Variants in DPF1 observed in about 807,000 individuals in gnomAD.
DPF1 encodes zinc finger protein neuro-d4.
DPF1 carries 14 observed loss-of-function variants against 58.7 expected under a neutral mutation model. That is an observed-to-expected ratio of 0.24 (90% CI 0.16 to 0.37). DPF1 has a LOEUF of 0.37. Among genes scored for constraint, DPF1 ranks in the 10% least tolerant of loss-of-function variants. The probability of loss-of-function intolerance (pLI) is 1.00; values close to 1 mark genes in which losing one functional copy is unlikely to be tolerated. For missense variants in DPF1, 345 were observed against 529.9 expected, an observed-to-expected ratio of 0.65 and a Z score of 3.43; for synonymous variants, 216 against 216.0, an observed-to-expected ratio of 1.00 and a Z score of 0.00.
chr19:38,220,244 G>A (rs1252221298), intron 3 of DPF1, among the ~76,000 whole-genome samples: 1 of 146,724 alleles, frequency 6.8e-6, no homozygotes, highest in Non-Finnish European at 1.5e-5. Context: ...AAGAAAGAAG[G>A]AAGGAAAGAA....
At chr19:38,212,774 C>CTTT (rs11367248) in intron 10 of DPF1, among the ~76,000 whole-genome samples, 96 of 81,664 alleles carry the variant, frequency 1.2e-3, no homozygotes, top group Non-Finnish European at 1.6e-3. Flanking sequence ...CCATGCACGA[C>CTTT]TTTTTTTTTT....
At chr19:38,221,280 G>A (rs181937919) in intron 3 of DPF1, among the ~76,000 whole-genome samples, 46 of 152,332 alleles carry the variant, frequency 3.0e-4, no homozygotes, top group African/African-American at 1.1e-3. Context: ...ACTCAAGCCT[G>A]TAATCCCAGC....
chr19:38,227,036 T>TCC (rs1453554840), upstream of DPF1, among the ~76,000 whole-genome samples: 454 of 136,592 alleles, frequency 3.3e-3, 3 homozygotes, highest in Non-Finnish European at 4.9e-3. Flanking sequence ...CTTCCTTCCT[T>TCC]TCTTTCTTTC....
chr19:38,217,595 G>C lies in DPF1; in HGVS notation c.596-4C>G, dbSNP rs1439297340. The C allele has an allele frequency of 2.6e-6, 4 of 1,546,074 alleles. 1 individual carries two copies. In the South Asian group the frequency reaches 4.8e-5, roughly 18 times the overall value. ...TTCTTATACCGTTTCCCACAGACTG[G>C]GGAGCGAGCGAGCCAGGAGGGCCTG... On this transcript the variant is annotated splice_region_variant and splice_polypyrimidine_tract_variant and intron_variant, in intron 6 of 11. Transcript: ENST00000355526.
intron 9 of DPF1, among the ~76,000 whole-genome samples, chr19:38,215,362 G>A (rs1485880229): frequency 3.3e-5 from 5 of 151,934 alleles, no homozygotes; most frequent in East Asian, 3.9e-4. Flanking sequence ...GCATGGTGGC[G>A]GGTGCCTGTA....
At chr19:38,224,978 C>T (rs973919578), upstream of DPF1, among the ~76,000 whole-genome samples, 2 of 152,212 alleles carry the variant, frequency 1.3e-5, no homozygotes, top group Non-Finnish European at 2.9e-5. This position sits in a 1 kb window ranked among gnomAD's most constrained non-coding sequence, Gnocchi z 4.5. Context: ...AGGCCAGGCG[C>T]AGTGGCTCAC....
chr19:38,217,493 C>T lies in DPF1; in HGVS notation c.694G>A (p.Ala232Thr). The stretch of plus-strand genomic sequence containing the variant: ...TTGTTTTTCCGGTGGAAGGGCAGGG[C>T]GTGGCGTTCGGCGTTCTCCTCCCCC... The part of the protein sequence containing the change: ...EEGEENAERH[A>T]LPFHRKNNHK... Residue 232 changes from alanine to threonine, a missense_variant, in exon 7 of 12, where the codon GCC becomes ACC. Physicochemically the swap from Ala to Thr is moderately conservative, Grantham distance 58 (BLOSUM62 0). Transcript: ENST00000355526. The T allele has an allele frequency of 1.3e-6, 2 of 1,545,724 alleles. No individual in the cohort carries two copies. Among genetic ancestry groups the T allele is most frequent in the Non-Finnish European group, 1.7e-6 (2 of 1,144,106 alleles).
intron 1 of DPF1, among the ~76,000 whole-genome samples, chr19:38,223,599 G>C (rs1285301826): frequency 1.3e-5 from 2 of 151,910 alleles, no homozygotes; most frequent in African/African-American, 4.8e-5. Context: ...CAGAACACAA[G>C]ACAAATGACA....
Position 38,217,451 on chromosome 19 carries a change from C to T in DPF1, c.727+9G>A, listed in dbSNP as rs1470438358. Reference sequence around the variant, plus strand: ...CCCCTGGCCACCCCCACCTGGCCTGCCAGCTCACGTTTATGGTTGTTTTTC... The same window carrying T: ...CCCCTGGCCACCCCCACCTGGCCTGTCAGCTCACGTTTATGGTTGTTTTTC... On this transcript the variant is annotated intron_variant, in intron 7 of 11. Transcript: ENST00000355526. The T allele has an allele frequency of 2.0e-6, 3 of 1,534,548 alleles. No individual in the cohort carries two copies. The East Asian group carries it at 7.6e-5, about 39-fold the overall frequency.
intron 3 of DPF1, among the ~76,000 whole-genome samples, chr19:38,221,511 G>T (rs1967472432): frequency 6.7e-6 from 1 of 149,972 alleles, no homozygotes; most frequent in African/African-American, 2.5e-5. Flanking sequence ...CTGTACTCCA[G>T]CCTGGGTGAC....
At chr19:38,221,999 A>G (rs1396159470) in intron 3 of DPF1, among the ~76,000 whole-genome samples, 10 of 151,998 alleles carry the variant, frequency 6.6e-5, no homozygotes, top group Non-Finnish European at 1.3e-4. Context: ...AATCGCTTGA[A>G]CCTGCTAGGC....
At chr19:38,219,669 G>T (rs1210701644) in intron 3 of DPF1, 1 of 152,342 alleles carries the variant, frequency 6.6e-6, no homozygotes, top group Non-Finnish European at 1.5e-5. Context: ...TGTATTTTTG[G>T]TAGAGATGGG....
chr19:38,218,893 G>T (rs775152646), intron 4 of DPF1, 38 bp downstream of exon 4: 21 of 1,611,010 alleles, frequency 1.3e-5, no homozygotes, highest in Non-Finnish European at 1.8e-5. Context: ...GGGGTGAGAC[G>T]AAGCCATGCA....
intron 10 of DPF1, 58 bp from the exon 11 acceptor site, chr19:38,212,419 G>A: frequency 3.0e-6 from 2 of 662,488 alleles, no homozygotes; most frequent in Non-Finnish European, 5.1e-6. Context: ...AGAAACGGGG[G>A]TGGGGGGCTG....
At position 38,222,819 on chromosome 19, in the gene DPF1, A is replaced by AC. The variant is rs1413191195; in HGVS notation, c.30-112dup. The AC allele has an allele frequency of 1.3e-5, 18 of 1,359,338 alleles. No homozygotes were observed. The highest frequency in any genetic ancestry group is 2.7e-4 in the Middle Eastern group (1 of 3,726). 84.2% of individuals were successfully genotyped at this position (1,359,338 alleles called of 1,614,324 possible). A position where few individuals can be genotyped will look rare whatever the true frequency, so the allele number is the denominator to read the frequency against. ...GCCCAGGCTCGGGAGGGGTGGGCCGACCCCTCCAGCCTCACCTCTCCCCTC... is the reference window on the plus strand; with the variant it reads ...GCCCAGGCTCGGGAGGGGTGGGCCGACCCCCTCCAGCCTCACCTCTCCCCTC... On this transcript the variant is annotated intron_variant, in intron 1 of 11. Transcript: ENST00000355526. The surrounding 1 kb of genome is among the most constrained non-coding windows in gnomAD (Gnocchi z 4.9).
rs1967712770 is a variant in DPF1 at position 38,224,204 on chromosome 19, C to CG, written c.-63dup. 1 of 1,353,986 alleles carries CG rather than the reference C, an allele frequency of 7.4e-7. No individual in the cohort carries two copies. The highest frequency in any genetic ancestry group is 9.5e-7 in the Non-Finnish European group (1 of 1,052,330). The allele number at this position is 1,353,986 out of a possible 1,614,324, so 83.9% of individuals were successfully genotyped here. ...CGGGTCGGTCCTCCCAGCGGTCGGG[C>CG]GGGCGCTGAGGCCGCCCATCCATTC... On this transcript the variant is annotated 5_prime_UTR_variant, in exon 1 of 12. Coordinates refer to ENST00000355526, the MANE Select transcript of DPF1 (RefSeq NM_001135155.3). The surrounding 1 kb of genome is among the most constrained non-coding windows in gnomAD (Gnocchi z 4.5).
Position 38,220,226 on chromosome 19 carries a change from G to GAGAA in DPF1, c.299-1172_299-1169dup, listed in dbSNP as rs763780575. Among the ~76,000 whole-genome samples, 741 of 144,042 alleles carry GAGAA rather than the reference G, an allele frequency of 5.1e-3. 4 individuals are homozygous for GAGAA. The highest frequency in any genetic ancestry group is 0.018 in the African/African-American group (703 of 38,946). 94.5% of individuals were successfully genotyped at this position (144,042 alleles called of 152,430 possible). ...GGGAAAGAAAAGAAAAAGAAAGAGA[G>GAGAA]AGAAAGAAAGAAAGAAGGAAGGAAA... On this transcript the variant is annotated intron_variant, in intron 3 of 11. Coordinates refer to ENST00000355526, the MANE Select transcript of DPF1 (RefSeq NM_001135155.3).
At chr19:38,227,033 C>CCTTCCTTCCTTCCTTT (rs1555710765), upstream of DPF1, among the ~76,000 whole-genome samples, 1 of 132,184 alleles carries the variant, frequency 7.6e-6, no homozygotes, top group Non-Finnish European at 1.6e-5. Context: ...TTCCTTCCTT[C>CCTTCCTTCCTTCCTTT]CTTTCTTTCT....
intron 1 of DPF1, chr19:38,223,847 C>T (rs891599602): frequency 8.2e-6 from 3 of 366,202 alleles, no homozygotes; most frequent in Non-Finnish European, 1.4e-5. Flanking sequence ...CTCTCCCAGA[C>T]CCGAGGGTTG....
Sources: allele counts gnomAD v4.1 joint callset (sites outside exome capture counted in the v4.1 genomes callset), GRCh38; gene constraint gnomAD v4.1.1; non-coding constraint Gnocchi (gnomAD v3.1); transcripts MANE v1.5; gene names NCBI Gene and HGNC (gene_info 2026-07-23, HGNC 2026-07-21).